NDUFA12: variants seen among roughly 807,000 people sequenced by gnomAD.
NDUFA12 encodes NADH:ubiquinone oxidoreductase subunit A12, also known as NADH dehydrogenase [ubiquinone] 1 alpha subcomplex subunit 12.
Under a neutral mutation model 20.3 loss-of-function variants are expected in NDUFA12, and 17 were observed. That is an observed-to-expected ratio of 0.84 (90% CI 0.57 to 1.26). NDUFA12 has a LOEUF of 1.26. Ranked by LOEUF, NDUFA12 falls within the 50% of genes most tolerant of loss-of-function variation. NDUFA12 has a pLI of 0.00. For missense variants in NDUFA12, 191 were observed against 183.7 expected (o/e 1.04, Z -0.23); for synonymous variants, 72 against 63.6 (o/e 1.13, Z -0.63).
intron 3 of NDUFA12, among the ~76,000 whole-genome samples, chr12:94,985,229 G>A (rs1186631291): frequency 6.6e-6 from 1 of 152,038 alleles, no homozygotes; most frequent in Non-Finnish European, 1.5e-5. Context: ...GGAGGCTGAG[G>A]TGGAAGGATT....
chr12:94,997,763 C>A (rs936562563), intron 2 of NDUFA12, among the ~76,000 whole-genome samples: 1 of 151,960 alleles, frequency 6.6e-6, no homozygotes, highest in East Asian at 1.9e-4. Context: ...AACCTAAAAT[C>A]TGAAATACTT....
intron 2 of NDUFA12, among the ~76,000 whole-genome samples, chr12:94,994,613 T>C (rs1035330189): frequency 3.9e-5 from 6 of 152,212 alleles, no homozygotes; most frequent in Non-Finnish European, 5.9e-5. Context: ...AAAGAAGGTG[T>C]TCCTCTTGAG....
chr12:94,993,714 C>T (rs1008936231), intron 3 of NDUFA12, among the ~76,000 whole-genome samples: 8 of 143,404 alleles, frequency 5.6e-5, no homozygotes, highest in African/African-American at 1.8e-4. Context: ...GTGGATGGAT[C>T]ACCTGAGGTC....
intron 2 of NDUFA12, among the ~76,000 whole-genome samples, chr12:95,002,278 A>G (rs1443434470): frequency 1.3e-5 from 2 of 150,460 alleles, no homozygotes; most frequent in African/African-American, 2.4e-5. Context: ...CATCTCTACT[A>G]AAAAATACAA....
intron 2 of NDUFA12, 72 bp from the exon 3 acceptor site, chr12:94,994,329 G>A: frequency 1.8e-6 from 2 of 1,124,576 alleles, no homozygotes; most frequent in Non-Finnish European, 1.3e-6. Context: ...TATCAAAGAA[G>A]ACAACCTTTT....
At chr12:94,971,841 C>G in intron 3 of NDUFA12, 2 of 718,278 alleles carry the variant, frequency 2.8e-6, no homozygotes, top group Non-Finnish European at 5.1e-6. Context: ...ACATAAAGCA[C>G]ATAGAAAAAT....
rs2136069767 is a variant in NDUFA12, at chr12:94,994,159, T to C, written c.257+11A>G. On this transcript the variant is annotated intron_variant, in intron 3 of 3. Coordinates refer to ENST00000327772, the MANE Select transcript of NDUFA12 (RefSeq NM_018838.5). Reference sequence around the variant, plus strand: ...AAAAAGAAAGACAAATAAAATGTTGTCTTAGCTTACCATTCAGGAGGCACC... The same window carrying C: ...AAAAAGAAAGACAAATAAAATGTTGCCTTAGCTTACCATTCAGGAGGCACC... 1 of 1,612,238 alleles carries C rather than the reference T, an allele frequency of 6.2e-7. No individual in the cohort carries two copies.
At chr12:94,985,626 C>CAA (rs35674364) in intron 3 of NDUFA12, among the ~76,000 whole-genome samples, 10,929 of 43,384 alleles carry the variant, frequency 0.25, 1,485 homozygotes, top group African/African-American at 0.29. Context: ...GACTCCATCT[C>CAA]AAAAAAAAAA....
At chr12:94,977,993 G>C (rs1363113886) in intron 3 of NDUFA12, among the ~76,000 whole-genome samples, 1 of 152,042 alleles carries the variant, frequency 6.6e-6, no homozygotes, top group African/African-American at 2.4e-5. Flanking sequence ...TGGGGAAACA[G>C]CTAGTGCAGA....
intron 3 of NDUFA12, among the ~76,000 whole-genome samples, chr12:94,975,232 A>T (rs891236815): frequency 8.5e-5 from 13 of 152,208 alleles, no homozygotes; most frequent in Non-Finnish European, 1.5e-4. Flanking sequence ...GAAACAGGGG[A>T]AAATATTTGT....
rs548883327 is a variant in NDUFA12 at position 94,981,824 on chromosome 12, G to A, written c.258-10204C>T. 9.2e-5 allele frequency among the ~76,000 whole-genome samples: 14 copies of A among 152,288 alleles called. No individual in the cohort carries two copies. The South Asian group carries it at 2.7e-3, about 29-fold the overall frequency. ...AATCCGTTTCTTATTTTCAAGGCAC[G>A]TGTAGCTCAACTGCCCATCCAAGAA... is the stretch of plus-strand genomic sequence containing the variant. On this transcript the variant is annotated intron_variant, in intron 3 of 3. Transcript: ENST00000327772.
intron 3 of NDUFA12, among the ~76,000 whole-genome samples, chr12:94,985,600 C>G (rs1429606179): frequency 2.5e-5 from 3 of 121,066 alleles, no homozygotes; most frequent in African/African-American, 9.8e-5. Flanking sequence ...GCACTCCAGC[C>G]TGGGAGACAG....
intron 3 of NDUFA12, among the ~76,000 whole-genome samples, chr12:94,973,208 T>G (rs907474828): frequency 9.2e-5 from 14 of 152,154 alleles, no homozygotes; most frequent in African/African-American, 3.4e-4. Context: ...TGAATAGAGA[T>G]AAAATATGAT....
intron 2 of NDUFA12, among the ~76,000 whole-genome samples, chr12:95,000,415 A>G (rs1457230425): frequency 6.6e-6 from 1 of 152,224 alleles, no homozygotes. Context: ...AAACTTATCC[A>G]TGTAACCAAA....
chr12:94,972,017 G>C (rs753929981), intron 3 of NDUFA12, among the ~76,000 whole-genome samples: 1 of 151,926 alleles, frequency 6.6e-6, no homozygotes, highest in Non-Finnish European at 1.5e-5. Context: ...CGAACTCCTG[G>C]GCTCATGTGA....
intron 2 of NDUFA12, among the ~76,000 whole-genome samples, chr12:95,001,095 A>T (rs1325039856): frequency 6.6e-5 from 10 of 152,074 alleles, no homozygotes. Context: ...GCTTAAGCCC[A>T]GGAGTTCAAG....
chr12:94,994,658 T>G (rs1874758565), intron 2 of NDUFA12, among the ~76,000 whole-genome samples: 1 of 152,250 alleles, frequency 6.6e-6, no homozygotes, highest in South Asian at 2.1e-4. Context: ...CAATCATACT[T>G]GAATTCTATG....
Position 94,997,177 on chromosome 12 carries a change from TCA to T in NDUFA12, c.170-2922_170-2921del, listed in dbSNP as rs559951571. ...GTAAAATAGTGAGACCTCATCACAC[TCA>T]CACATACACACACACACGCACACAC... On this transcript the variant is annotated intron_variant, in intron 2 of 3. Coordinates refer to ENST00000327772, the MANE Select transcript of NDUFA12 (RefSeq NM_018838.5). The T allele has an allele frequency of 4.6e-5, 10 of 217,394 alleles. No individual in the cohort carries two copies. In the East Asian group the frequency reaches 1.3e-3, roughly 29 times the overall value. The allele number at this position is 217,394 out of a possible 1,614,324, so 13.5% of individuals were successfully genotyped here.
At chr12:94,982,337 G>A (rs1181844676) in intron 3 of NDUFA12, among the ~76,000 whole-genome samples, 1 of 146,374 alleles carries the variant, frequency 6.8e-6, no homozygotes, top group African/African-American at 2.5e-5. Context: ...GCAGTGGTGT[G>A]ATCTCGGCTC....
Sources: allele counts gnomAD v4.1 joint callset (sites outside exome capture counted in the v4.1 genomes callset), GRCh38; gene constraint gnomAD v4.1.1; transcripts MANE v1.5; gene names NCBI Gene and HGNC (gene_info 2026-07-23, HGNC 2026-07-21).